DPRX: variants seen among roughly 807,000 people sequenced by gnomAD.
DPRX encodes divergent paired-related homeobox.
In DPRX, 11 loss-of-function variants were observed where a neutral mutation model predicts 8.4. The ratio of observed to expected loss-of-function variants is 1.31; its 90% CI spans 0.82 to 2.17. The LOEUF (loss-of-function observed/expected upper bound fraction) is 2.17. Among genes scored for constraint, DPRX ranks in the 30% most tolerant of loss-of-function variants. The pLI is 0.00. For synonymous variants in DPRX, 72 were observed against 87.0 expected (o/e 0.83, Z 0.96); for missense variants, 211 against 236.7 (o/e 0.89, Z 0.71).
chr19:53,601,241 CT>C, the DPRX span: 5 of 455,962 alleles, frequency 1.1e-5, no homozygotes, highest in South Asian at 6.2e-5. Context: ...CAAGAGGCCT[CT>C]TTTTTTCCAG....
At chr19:53,603,015 G>GTA in the DPRX span, among the ~76,000 whole-genome samples, 1 of 138,832 alleles carries the variant, frequency 7.2e-6, no homozygotes. Flanking sequence ...GTGTGTGTGT[G>GTA]TGTATATATG....
At chr19:53,616,256 A>G in the DPRX span, among the ~76,000 whole-genome samples, 1 of 152,056 alleles carries the variant, frequency 6.6e-6, no homozygotes, top group African/African-American at 2.4e-5. Flanking sequence ...CTGTCTCAAA[A>G]AAAATAAATA....
the DPRX span, among the ~76,000 whole-genome samples, chr19:53,608,087 G>A: frequency 2.3e-3 from 338 of 148,954 alleles, no homozygotes; most frequent in African/African-American, 2.3e-3. Context: ...CAGGAGAATC[G>A]CTTGAACCCG....
At chr19:53,619,343 A>G in the DPRX span, among the ~76,000 whole-genome samples, 1 of 152,018 alleles carries the variant, frequency 6.6e-6, no homozygotes, top group Non-Finnish European at 1.5e-5. Flanking sequence ...GTTTGAGACC[A>G]GCCTGGCCAA....
At chr19:53,628,819 C>T (rs188426530), upstream of DPRX, among the ~76,000 whole-genome samples, 26 of 151,484 alleles carry the variant, frequency 1.7e-4, no homozygotes, top group African/African-American at 5.8e-4. Flanking sequence ...AAATTCCTGA[C>T]CTCAGGTGAT....
At chr19:53,627,435 CTTTCTTTT>C (rs997465457), upstream of DPRX, among the ~76,000 whole-genome samples, 9 of 102,544 alleles carry the variant, frequency 8.8e-5, no homozygotes, top group East Asian at 2.7e-4. Context: ...TTCTTTCTTT[CTTTCTTTT>C]TTTTTTTTTT....
the DPRX span, among the ~76,000 whole-genome samples, chr19:53,619,998 G>C: frequency 2.5e-4 from 38 of 152,174 alleles, 1 homozygote; most frequent in South Asian, 6.2e-3. Flanking sequence ...TGAAAGACTG[G>C]GACATTTCTG....
At chr19:53,603,389 T>C in the DPRX span, 4 of 456,300 alleles carry the variant, frequency 8.8e-6, no homozygotes, top group Admixed American at 9.4e-5. Flanking sequence ...TGCGGCCCCA[T>C]CTCGGGGTGG....
the DPRX span, among the ~76,000 whole-genome samples, chr19:53,602,778 T>TC: frequency 2.2e-4 from 33 of 148,982 alleles, no homozygotes; most frequent in African/African-American, 7.4e-4. Flanking sequence ...TGTGATCCAC[T>TC]CCCCCCCGGC....
At chr19:53,617,937 A>G in the DPRX span, among the ~76,000 whole-genome samples, 1 of 152,020 alleles carries the variant, frequency 6.6e-6, no homozygotes, top group African/African-American at 2.4e-5. Flanking sequence ...CAGGAGTTCC[A>G]GACCAGCCTG....
the DPRX span, among the ~76,000 whole-genome samples, chr19:53,608,992 AG>A: frequency 4.9e-4 from 53 of 109,198 alleles, no homozygotes; most frequent in East Asian, 2.9e-3. Context: ...AAAGAAAGAA[AG>A]AGAAAGAAAG....
the DPRX span, among the ~76,000 whole-genome samples, chr19:53,617,499 G>A: frequency 6.2e-4 from 93 of 149,234 alleles, no homozygotes; most frequent in African/African-American, 2.1e-3. Flanking sequence ...CAGAGGATGC[G>A]GTGAGCCGAG....
the DPRX span, among the ~76,000 whole-genome samples, chr19:53,605,854 G>T: frequency 6.6e-6 from 1 of 150,726 alleles, no homozygotes; most frequent in Non-Finnish European, 1.5e-5. Flanking sequence ...TTTTTGTTGA[G>T]ATGGAAGTCT....
chr19:53,609,862 A>G, the DPRX span, among the ~76,000 whole-genome samples: 2 of 152,040 alleles, frequency 1.3e-5, no homozygotes, highest in Admixed American at 6.6e-5. Flanking sequence ...GCACACACCT[A>G]TAGTCCCAGG....
chr19:53,636,950 T>C, exon 3 of DPRX: 1 of 1,610,514 alleles, frequency 6.2e-7, no homozygotes, highest in South Asian at 1.1e-5. Flanking sequence ...CCATTCTGGC[T>C]CTCCTGCCTG....
chr19:53,602,014 T>A, the DPRX span: 1 of 456,148 alleles, frequency 2.2e-6, no homozygotes, highest in Admixed American at 2.4e-5. Context: ...TAAAGAGGAG[T>A]GTTGCTCTGG....
chr19:53,634,805 C>G, intron 2 of DPRX, 120 bp downstream of exon 2: 3 of 1,349,024 alleles, frequency 2.2e-6, no homozygotes, highest in South Asian at 3.0e-5. Context: ...AACCCACACT[C>G]TCCTACTCAC....
chr19:53,601,544 C>T, the DPRX span, among the ~76,000 whole-genome samples: 10,195 of 148,748 alleles, frequency 0.069, 539 homozygotes, highest in African/African-American at 0.15. Flanking sequence ...TGCAGTGGCG[C>T]GATCTCAGCT....
the DPRX span, among the ~76,000 whole-genome samples, chr19:53,601,762 G>A: frequency 3.9e-5 from 6 of 152,212 alleles, no homozygotes; most frequent in Admixed American, 6.5e-5. Flanking sequence ...GATTACAGGT[G>A]TGAGCCACCT....
Sources: gnomAD v4.1 joint callset for allele counts (sites outside exome capture counted in the v4.1 genomes callset) on GRCh38, gnomAD v4.1.1 for gene constraint, MANE v1.5 for transcripts, NCBI Gene and HGNC (gene_info 2026-07-23, HGNC 2026-07-21) for gene names.